SPMIP4: variants seen among roughly 807,000 people sequenced by gnomAD.
The protein encoded by SPMIP4 is sperm microtubule inner protein 4.
At chr7:25,145,799 T>TGA in the SPMIP4 span, among the ~76,000 whole-genome samples, 5 of 152,230 alleles carry the variant, frequency 3.3e-5, no homozygotes, top group Admixed American at 6.5e-5. Context: ...ATTTACTGAA[T>TGA]ACCTATTGCA....
the SPMIP4 span, among the ~76,000 whole-genome samples, chr7:25,156,953 C>G: frequency 2.6e-5 from 4 of 152,092 alleles, no homozygotes; most frequent in South Asian, 4.2e-4. Context: ...TCCCAAAGTG[C>G]TGGGATTACA....
chr7:25,127,061 G>GA, the SPMIP4 span, among the ~76,000 whole-genome samples: 1 of 152,168 alleles, frequency 6.6e-6, no homozygotes, highest in Non-Finnish European at 1.5e-5. Flanking sequence ...AGACTTATTA[G>GA]AACTCCTTTT....
the SPMIP4 span, among the ~76,000 whole-genome samples, chr7:25,151,410 A>G: frequency 6.6e-6 from 1 of 152,028 alleles, no homozygotes; most frequent in African/African-American, 2.4e-5. Flanking sequence ...TCTAGTAGAG[A>G]CAGGGTTTCA....
At chr7:25,151,954 A>G in the SPMIP4 span, among the ~76,000 whole-genome samples, 1 of 152,180 alleles carries the variant, frequency 6.6e-6, no homozygotes, top group Non-Finnish European at 1.5e-5. Flanking sequence ...AGCTGGGACT[A>G]CAGGGCAGGG....
the SPMIP4 span, among the ~76,000 whole-genome samples, chr7:25,146,772 T>C: frequency 0.012 from 1,891 of 152,328 alleles, 27 homozygotes; most frequent in African/African-American, 0.044. Context: ...GCTTTGAAAA[T>C]GGTTTTGTTA....
the SPMIP4 span, chr7:25,151,685 C>G: frequency 6.3e-7 from 1 of 1,577,144 alleles, no homozygotes; most frequent in South Asian, 1.1e-5. Flanking sequence ...TAAGGATTAC[C>G]TGAAAATTTC....
At chr7:25,151,589 T>G in the SPMIP4 span, 2 of 1,542,912 alleles carry the variant, frequency 1.3e-6, no homozygotes, top group Admixed American at 3.5e-5. Flanking sequence ...TTTAAAAAGA[T>G]ACTTACATCA....
chr7:25,179,219 G>C, the SPMIP4 span: 1 of 1,613,418 alleles, frequency 6.2e-7, no homozygotes, highest in African/African-American at 1.3e-5. Flanking sequence ...GGAGGGGGTT[G>C]TGCAATTCAT....
chr7:25,155,255 T>C, the SPMIP4 span: 3 of 1,424,444 alleles, frequency 2.1e-6, no homozygotes, highest in African/African-American at 4.4e-5. Flanking sequence ...GTTGAAAAAA[T>C]TAATCATCAA....
chr7:25,131,974 G>A, the SPMIP4 span, among the ~76,000 whole-genome samples: 2 of 152,256 alleles, frequency 1.3e-5, no homozygotes, highest in South Asian at 2.1e-4. This position sits in a 1 kb window ranked among gnomAD's most constrained non-coding sequence, Gnocchi z 4.2. Context: ...AGTGGTGGAC[G>A]GCAAGTGAAA....
chr7:25,175,785 C>G, the SPMIP4 span, among the ~76,000 whole-genome samples: 1 of 152,178 alleles, frequency 6.6e-6, no homozygotes, highest in Non-Finnish European at 1.5e-5. Context: ...GGACCCTGCA[C>G]TTGGTCTGAA....
chr7:25,137,818 A>C, the SPMIP4 span, among the ~76,000 whole-genome samples: 1 of 152,182 alleles, frequency 6.6e-6, no homozygotes. Flanking sequence ...ATTCTGAGGT[A>C]CTTGGGATTA....
chr7:25,169,576 A>G, the SPMIP4 span, among the ~76,000 whole-genome samples: 1 of 151,648 alleles, frequency 6.6e-6, no homozygotes, highest in Non-Finnish European at 1.5e-5. Flanking sequence ...TTATTTATTT[A>G]TTTGTTTTTT....
the SPMIP4 span, among the ~76,000 whole-genome samples, chr7:25,156,036 G>A: frequency 6.6e-6 from 1 of 152,312 alleles, no homozygotes; most frequent in Non-Finnish European, 1.5e-5. Context: ...TATGGAAATA[G>A]GGTCATTACA....
chr7:25,142,397 T>A, the SPMIP4 span: 1 of 1,200,526 alleles, frequency 8.3e-7, no homozygotes, highest in South Asian at 1.4e-5. Context: ...ATATTACCCT[T>A]TATAGGAAAA....
At chr7:25,142,237 T>A in the SPMIP4 span, 1 of 1,606,566 alleles carries the variant, frequency 6.2e-7, no homozygotes, top group Non-Finnish European at 8.5e-7. Flanking sequence ...CTGCAATTAC[T>A]TACCGGCTCT....
chr7:25,129,799 C>G, the SPMIP4 span, among the ~76,000 whole-genome samples: 99 of 152,116 alleles, frequency 6.5e-4, 1 homozygote, highest in Non-Finnish European at 4.1e-4. Context: ...TTCTTCTTGC[C>G]TGCTGCCTAG....
chr7:25,142,625 A>T, the SPMIP4 span: 1 of 1,591,826 alleles, frequency 6.3e-7, no homozygotes, highest in Non-Finnish European at 8.5e-7. Context: ...TACTTGTATG[A>T]AAGTGAACTC....
chr7:25,131,683 C>T, the SPMIP4 span, among the ~76,000 whole-genome samples: 4 of 152,206 alleles, frequency 2.6e-5, no homozygotes, highest in Non-Finnish European at 5.9e-5. This position sits in a 1 kb window ranked among gnomAD's most constrained non-coding sequence, Gnocchi z 4.2. Flanking sequence ...ACCTGGGGTT[C>T]TTGGCCTCAC....
Sources: gnomAD v4.1 joint callset for allele counts (sites outside exome capture counted in the v4.1 genomes callset) on GRCh38, gnomAD v4.1.1 for gene constraint, Gnocchi (gnomAD v3.1) non-coding constraint, MANE v1.5 for transcripts, NCBI Gene and HGNC (gene_info 2026-07-23, HGNC 2026-07-21) for gene names.